The following PDK1 variants were observed in gnomAD, a reference collection of about 807,000 sequenced individuals.
PDK1 encodes the protein [Pyruvate dehydrogenase (acetyl-transferring)] kinase isozyme 1, mitochondrial.
A neutral mutation model predicts 54.2 loss-of-function variants in PDK1; 39 were observed. The observed-to-expected ratio is 0.72, with a 90% confidence interval of 0.56 to 0.94. PDK1 has a LOEUF of 0.94. Ranked by LOEUF, PDK1 falls within the 40% of genes least tolerant of loss-of-function variation. The pLI, the probability that PDK1 is intolerant of heterozygous loss-of-function variation, is 0.00. For missense variants in PDK1, 552 were observed against 566.0 expected (o/e 0.98, Z 0.25); for synonymous variants, 221 against 207.1 (o/e 1.07, Z -0.58).
At chr2:172,664,558 A>G in the PDK1 span, among the ~76,000 whole-genome samples, 1,092 of 152,164 alleles carry the variant, frequency 7.2e-3, 19 homozygotes, top group African/African-American at 0.025. Flanking sequence ...ATGTGTAGAC[A>G]TAGGTCTTTT....
chr2:172,624,834 C>T, the PDK1 span, among the ~76,000 whole-genome samples: 1 of 151,970 alleles, frequency 6.6e-6, no homozygotes, highest in African/African-American at 2.4e-5. Context: ...GTCTCTGTTT[C>T]AAAATTAGCT....
the PDK1 span, among the ~76,000 whole-genome samples, chr2:172,681,655 G>C: frequency 5.9e-5 from 9 of 152,218 alleles, no homozygotes; most frequent in African/African-American, 2.2e-4. Context: ...TAATAAATAA[G>C]TAAATTATAC....
chr2:172,583,546 G>C (rs1690041345), intron 8 of PDK1, among the ~76,000 whole-genome samples: 1 of 151,824 alleles, frequency 6.6e-6, no homozygotes, highest in Non-Finnish European at 1.5e-5. Flanking sequence ...CGCCGGCCTT[G>C]CCTCCCAAAG....
Position 172,583,281 on chromosome 2 carries a change from G to GTTTTTTTTTT in PDK1, c.946-2975_946-2966dup, listed in dbSNP as rs1175087926. On this transcript the variant is annotated intron_variant, in intron 8 of 10. Coordinates refer to ENST00000282077, the MANE Select transcript of PDK1 (RefSeq NM_002610.5). ...CATAATGCTGCATAAAAGTTTTCTG[G>GTTTTTTTTTT]TTTTTTTTTTTTTTTTTTTTTTTTT... Among the ~76,000 whole-genome samples the GTTTTTTTTTT allele has an allele frequency of 5.6e-3, 429 of 77,066 alleles. 64 individuals are homozygous for GTTTTTTTTTT. Among genetic ancestry groups the GTTTTTTTTTT allele is most frequent in the African/African-American group, 0.022 (406 of 18,474 alleles). 50.6% of individuals were successfully genotyped at this position (77,066 alleles called of 152,430 possible).
At chr2:172,647,623 A>C in the PDK1 span, among the ~76,000 whole-genome samples, 1 of 152,234 alleles carries the variant, frequency 6.6e-6, no homozygotes, top group Admixed American at 6.5e-5. Flanking sequence ...GAAGGAAAAG[A>C]GACAATTCAT....
chr2:172,693,018 G>A, the PDK1 span, among the ~76,000 whole-genome samples: 1 of 152,198 alleles, frequency 6.6e-6, no homozygotes, highest in Non-Finnish European at 1.5e-5. Context: ...CACCCACTGG[G>A]TGGTGTTTGA....
chr2:172,590,047 G>A (rs1690483320), intron 9 of PDK1, among the ~76,000 whole-genome samples: 1 of 152,168 alleles, frequency 6.6e-6, no homozygotes, highest in Non-Finnish European at 1.5e-5. Context: ...TGGGGTAGGG[G>A]TGGTGGGAGT....
At chr2:172,563,716 C>G (rs1688779522) in intron 3 of PDK1, among the ~76,000 whole-genome samples, 1 of 151,966 alleles carries the variant, frequency 6.6e-6, no homozygotes, top group African/African-American at 2.4e-5. Context: ...GCCTATAATC[C>G]CGGCTACTCA....
intron 8 of PDK1, among the ~76,000 whole-genome samples, chr2:172,583,429 G>A (rs10199270): frequency 6.6e-6 from 1 of 151,658 alleles, no homozygotes; most frequent in Admixed American, 6.6e-5. Context: ...GAGTAGCTGA[G>A]ATTACAGGCG....
At chr2:172,608,778 A>G (rs893100735), downstream of PDK1, 1 of 152,136 alleles carries the variant, frequency 6.6e-6, no homozygotes, top group African/African-American at 2.4e-5. Flanking sequence ...TTGAGTGCCT[A>G]CTGCATACTA....
At chr2:172,566,082 A>T (rs1688923361) in intron 5 of PDK1, among the ~76,000 whole-genome samples, 1 of 152,248 alleles carries the variant, frequency 6.6e-6, no homozygotes, top group Non-Finnish European at 1.5e-5. Flanking sequence ...ACAATGGATA[A>T]GAGTGTTTCC....
the PDK1 span, among the ~76,000 whole-genome samples, chr2:172,621,751 TTA>T: frequency 2.0e-5 from 3 of 146,988 alleles, no homozygotes; most frequent in South Asian, 2.1e-4. Context: ...TCATATATGT[TTA>T]TATCTCATAT....
rs1293454425 is a variant in PDK1, at chr2:172,556,237, C to T, written c.87C>T (p.Ser29=). ...LRAAGFSRSF[S]SDSGSSPASE... ...CCGCCGGCTTCAGCCGCAGCTTCAG[C>T]TCGGACTCGGGCTCCAGCCCGGCGT... Residue 29 remains serine (S), a synonymous_variant, in exon 1 of 11, where the codon AGC becomes AGT. Transcript: ENST00000282077. The T allele has an allele frequency of 9.6e-6, 14 of 1,457,778 alleles. No individual in the cohort carries two copies. Among genetic ancestry groups the T allele is most frequent in the Non-Finnish European group, 1.3e-5 (14 of 1,111,878 alleles). The allele number at this position is 1,457,778 out of a possible 1,614,324, so 90.3% of individuals were successfully genotyped here.
At chr2:172,593,911 G>C (rs972849391) in intron 10 of PDK1, among the ~76,000 whole-genome samples, 2 of 151,854 alleles carry the variant, frequency 1.3e-5, no homozygotes, top group African/African-American at 2.4e-5. Flanking sequence ...CTATTTTATA[G>C]GAAATGTTGA....
the PDK1 span, among the ~76,000 whole-genome samples, chr2:172,646,330 T>C: frequency 8.2e-4 from 125 of 152,310 alleles, no homozygotes; most frequent in African/African-American, 2.9e-3. Context: ...AAAAAGGAAA[T>C]GGTGCTCTGT....
upstream of PDK1, chr2:172,555,930 G>A (rs906295134): frequency 7.9e-6 from 3 of 377,874 alleles, no homozygotes; most frequent in African/African-American, 2.1e-5. Context: ...CCGGCGAGGG[G>A]GCGGGCCCCG....
At chr2:172,716,485 T>C in the PDK1 span, among the ~76,000 whole-genome samples, 2 of 151,992 alleles carry the variant, frequency 1.3e-5, no homozygotes, top group African/African-American at 4.8e-5. Flanking sequence ...CCACCACACC[T>C]GGCTCATTTT....
intron 8 of PDK1, among the ~76,000 whole-genome samples, chr2:172,582,627 AG>A (rs1489863136): frequency 6.6e-6 from 1 of 152,244 alleles, no homozygotes; most frequent in Admixed American, 6.5e-5. Context: ...TTGTCATCAA[AG>A]GTACCATTCT....
chr2:172,715,769 T>C, the PDK1 span, among the ~76,000 whole-genome samples: 13 of 152,296 alleles, frequency 8.5e-5, no homozygotes, highest in East Asian at 2.3e-3. Context: ...GAAAGTAGTA[T>C]AATAAGAATC....
Sources: allele counts gnomAD v4.1 joint callset (sites outside exome capture counted in the v4.1 genomes callset), GRCh38; gene constraint gnomAD v4.1.1; transcripts MANE v1.5; gene names NCBI Gene and HGNC (gene_info 2026-07-23, HGNC 2026-07-21).